CSMD1: variants seen among roughly 807,000 people sequenced by gnomAD.
CSMD1 encodes the protein CUB and sushi domain-containing protein 1.
Under a neutral mutation model 417.5 loss-of-function variants are expected in CSMD1, and 213 were observed. The ratio of observed to expected loss-of-function variants is 0.51; its 90% confidence interval spans 0.46 to 0.57. CSMD1 has a LOEUF of 0.57. CSMD1 is among the 20% of genes least tolerant of loss of function. The probability of loss-of-function intolerance (pLI) is 0.00; values close to 1 mark genes in which losing one functional copy is unlikely to be tolerated. For missense variants in CSMD1, 6,923 were observed against 4,529.7 expected (o/e 1.53, Z -15.17); for synonymous variants, 2,862 against 1,736.8 (o/e 1.65, Z -16.11).
At chr8:4,704,079 G>T (rs143951562) in intron 1 of CSMD1, among the ~76,000 whole-genome samples, 1 of 152,288 alleles carries the variant, frequency 6.6e-6, no homozygotes, top group Non-Finnish European at 1.5e-5. Context: ...CAGCTACGCA[G>T]ACTGGTTCCT....
chr8:4,380,705 A>G (rs951226011), intron 3 of CSMD1, among the ~76,000 whole-genome samples: 1 of 152,180 alleles, frequency 6.6e-6, no homozygotes, highest in African/African-American at 2.4e-5. Flanking sequence ...ATAACAGAGG[A>G]TTGTGGATGT....
intron 5 of CSMD1, among the ~76,000 whole-genome samples, chr8:3,963,615 A>G (rs538175294): frequency 6.6e-6 from 1 of 152,350 alleles, no homozygotes; most frequent in African/African-American, 2.4e-5. Flanking sequence ...ATTTAGTAGC[A>G]CATATGGTAT....
At chr8:4,944,812 G>A (rs1453913891) in intron 1 of CSMD1, among the ~76,000 whole-genome samples, 3 of 152,072 alleles carry the variant, frequency 2.0e-5, no homozygotes, top group Non-Finnish European at 2.9e-5. Flanking sequence ...AATGCAAAAT[G>A]GTGCGTGGTG....
chr8:3,841,936 CA>C, intron 5 of CSMD1, among the ~76,000 whole-genome samples: 1 of 152,142 alleles, frequency 6.6e-6, no homozygotes, highest in African/African-American at 2.4e-5. Flanking sequence ...GCTGATCCTC[CA>C]AAAAGAAAAG....
In CSMD1 at chr8:3,337,987, C is replaced by G. The variant is rs562301341; in HGVS notation, c.3631+5307G>C. On this transcript the variant is annotated intron_variant, in intron 23 of 69. Transcript: ENST00000635120. ...CTCTTCACCACGTCTGAACAGTAGA[C>G]ACTTCTCTAGCTTCCTACTTTGGCA... is the stretch of plus-strand genomic sequence containing the variant. 2.0e-5 allele frequency among the ~76,000 whole-genome samples: 3 copies of G among 152,296 alleles called. No individual in the cohort carries two copies. In the East Asian group the frequency reaches 5.8e-4, roughly 29 times the overall value.
chr8:3,952,461 C>T (rs1419495115), intron 5 of CSMD1, among the ~76,000 whole-genome samples: 1 of 152,164 alleles, frequency 6.6e-6, no homozygotes, highest in African/African-American at 2.4e-5. Context: ...GATTCACATA[C>T]ACTTTAACTC....
Position 4,203,301 on chromosome 8 carries a change from A to T in CSMD1, c.416-171202T>A, listed in dbSNP as rs559784250. Among the ~76,000 whole-genome samples the T allele has an allele frequency of 2.0e-5, 3 of 152,260 alleles. No homozygotes were observed. The South Asian group carries it at 6.2e-4, about 32-fold the overall frequency. ...CTTCAGAAAAGAACACAGGCCCCTC[A>T]ACACCACGGGGTCGGCTCAGGGAGA... On this transcript the variant is annotated intron_variant, in intron 3 of 69. Transcript: ENST00000635120.
intron 1 of CSMD1, among the ~76,000 whole-genome samples, chr8:4,892,850 T>C (rs774472300): frequency 1.2e-4 from 19 of 152,186 alleles, no homozygotes; most frequent in Admixed American, 6.5e-4. Context: ...CCTTAATTTA[T>C]TTAACAATAT....
At chr8:3,460,459 A>C (rs534866682) in intron 12 of CSMD1, among the ~76,000 whole-genome samples, 2 of 152,102 alleles carry the variant, frequency 1.3e-5, no homozygotes, top group African/African-American at 2.4e-5. Flanking sequence ...AACACTCTCT[A>C]TGTTCATTTT....
chr8:3,468,413 G>C (rs1816905359), intron 12 of CSMD1, among the ~76,000 whole-genome samples: 1 of 152,120 alleles, frequency 6.6e-6, no homozygotes, highest in South Asian at 2.1e-4. Context: ...CAGCCAATAT[G>C]ATATGGTCAA....
intron 18 of CSMD1, among the ~76,000 whole-genome samples, chr8:3,381,463 T>A (rs1810620704): frequency 6.6e-6 from 1 of 152,180 alleles, no homozygotes; most frequent in Non-Finnish European, 1.5e-5. Context: ...TTTAGGGTAA[T>A]TTAATAAAAC....
intron 5 of CSMD1, among the ~76,000 whole-genome samples, chr8:3,908,781 G>A (rs1808273088): frequency 6.6e-6 from 1 of 152,150 alleles, no homozygotes; most frequent in South Asian, 2.1e-4. Context: ...GGCATTAGGG[G>A]CAATTCTGGA....
chr8:4,876,032 G>GA (rs560654152), intron 1 of CSMD1, among the ~76,000 whole-genome samples: 56 of 152,102 alleles, frequency 3.7e-4, no homozygotes, highest in African/African-American at 1.3e-3. Context: ...TTAGTAAGGG[G>GA]AAAAAACCTA....
intron 7 of CSMD1, among the ~76,000 whole-genome samples, chr8:3,618,133 C>G (rs974556770): frequency 2.6e-5 from 4 of 152,006 alleles, no homozygotes; most frequent in Admixed American, 2.6e-4. Flanking sequence ...TCCCTAATAG[C>G]TGGTAACACA....
intron 7 of CSMD1, among the ~76,000 whole-genome samples, chr8:3,665,623 A>T (rs1195690123): frequency 6.6e-6 from 1 of 152,212 alleles, no homozygotes. Context: ...TAGGGTTCTA[A>T]ATAATCCCTG....
intron 1 of CSMD1, among the ~76,000 whole-genome samples, chr8:4,940,196 G>C (rs1247195287): frequency 6.6e-6 from 1 of 152,142 alleles, no homozygotes; most frequent in African/African-American, 2.4e-5. Flanking sequence ...TCCTCTTTAA[G>C]AAGATCCTGG....
At chr8:4,220,792 C>T (rs933078770) in intron 3 of CSMD1, among the ~76,000 whole-genome samples, 9 of 152,282 alleles carry the variant, frequency 5.9e-5, no homozygotes, top group South Asian at 2.1e-4. Context: ...ATCCTTATAA[C>T]GCACCGAACG....
At chr8:3,310,070 G>A (rs1805204196) in intron 23 of CSMD1, among the ~76,000 whole-genome samples, 2 of 152,192 alleles carry the variant, frequency 1.3e-5, no homozygotes, top group Non-Finnish European at 2.9e-5. Context: ...CCATCTTGGT[G>A]CAAAACAAAG....
At chr8:4,184,276 A>G (rs995215088) in intron 3 of CSMD1, among the ~76,000 whole-genome samples, 3 of 152,224 alleles carry the variant, frequency 2.0e-5, no homozygotes, top group Non-Finnish European at 2.9e-5. Context: ...CTCATTTATA[A>G]TCTAACGCTA....
Sources: allele counts gnomAD v4.1 joint callset (sites outside exome capture counted in the v4.1 genomes callset), GRCh38; gene constraint gnomAD v4.1.1; transcripts MANE v1.5; gene names NCBI Gene and HGNC (gene_info 2026-07-23, HGNC 2026-07-21).